The following HS6ST1 variants were observed in gnomAD, a reference collection of about 807,000 sequenced individuals.
The protein encoded by HS6ST1 is heparan-sulfate 6-O-sulfotransferase 1.
HS6ST1 carries 3 observed loss-of-function variants against 25.2 expected under a neutral mutation model. The ratio of observed to expected loss-of-function variants is 0.12; its 90% CI spans 0.05 to 0.31. The LOEUF (loss-of-function observed/expected upper bound fraction) is 0.31, where lower values mean the gene tolerates loss of function less well. Among genes scored for constraint, HS6ST1 ranks in the 10% least tolerant of loss-of-function variants. The probability of loss-of-function intolerance (pLI) is 1.00; values close to 1 mark genes in which losing one functional copy is unlikely to be tolerated. For synonymous variants in HS6ST1, 204 were observed against 275.1 expected (o/e 0.74, Z 2.56); for missense variants, 310 against 609.6 (o/e 0.51, Z 5.18).
chr2:128,312,556 C>T (rs1694307811), intron 1 of HS6ST1, among the ~76,000 whole-genome samples: 2 of 152,116 alleles, frequency 1.3e-5, no homozygotes, highest in South Asian at 2.1e-4. Context: ...GAGGGTGCAC[C>T]CCAGGCCCCT....
chr2:128,276,026 C>T (rs1048805247), intron 1 of HS6ST1, among the ~76,000 whole-genome samples: 1 of 152,248 alleles, frequency 6.6e-6, no homozygotes, highest in African/African-American at 2.4e-5. Flanking sequence ...GAAGAAGGCA[C>T]TGCACATCAG....
rs1019296444 is a variant in HS6ST1, at chr2:128,267,803, C to A, written c.*359G>T. The A allele has an allele frequency of 5.8e-5, 22 of 376,866 alleles. No homozygotes were observed. Among genetic ancestry groups the A allele is most frequent in the African/African-American group, 2.3e-4 (11 of 48,462 alleles). The allele number at this position is 376,866 out of a possible 1,614,324, so 23.3% of individuals were successfully genotyped here. A position where few individuals can be genotyped will look rare whatever the true frequency, so the allele number is the denominator to read the frequency against. On this transcript the variant is annotated 3_prime_UTR_variant, in exon 2 of 2. Transcript: ENST00000259241. ...TAGTTGGTGAGGGACACACTCCCGG[C>A]CTGGCAGGTCCACTTTCCGCTGTCC...
At chr2:128,274,779 C>T (rs1380597034) in intron 1 of HS6ST1, among the ~76,000 whole-genome samples, 2 of 152,012 alleles carry the variant, frequency 1.3e-5, no homozygotes, top group Admixed American at 6.6e-5. Context: ...GAGTTTGAGG[C>T]TAGCCTGGCC....
At chr2:128,304,859 T>C (rs1694184717) in intron 1 of HS6ST1, among the ~76,000 whole-genome samples, 1 of 152,214 alleles carries the variant, frequency 6.6e-6, no homozygotes, top group African/African-American at 2.4e-5. Flanking sequence ...CTCCTGCAGC[T>C]GGGCTGGGCT....
intron 1 of HS6ST1, among the ~76,000 whole-genome samples, chr2:128,284,504 CTTT>C (rs71396519): frequency 4.2e-5 from 4 of 94,878 alleles, no homozygotes. Flanking sequence ...CATCGTCCCT[CTTT>C]TTTTTTTTTT....
In HS6ST1 at chr2:128,318,169, C is replaced by A; in HGVS notation, c.395G>T (p.Arg132Leu). 6.5e-7 allele frequency: 1 copy of A among 1,530,016 alleles called. No individual in the cohort carries two copies. The highest frequency in any genetic ancestry group is 8.8e-7 in the Non-Finnish European group (1 of 1,135,704). 94.8% of individuals were successfully genotyped at this position (1,530,016 alleles called of 1,614,324 possible). A position where few individuals can be genotyped will look rare whatever the true frequency, so the allele number is the denominator to read the frequency against. Residue 132 changes from arginine (R) to leucine (L), a missense_variant, in exon 1 of 2, where the codon CGC becomes CTC. Arg to Leu is a moderately radical substitution (Grantham distance 102). Transcript: ENST00000259241. This position sits in a 1 kb window ranked among gnomAD's most constrained non-coding sequence, Gnocchi z 5.7. ...GCGGGAGAAGAGCCAAGTCTCGCGG[C>A]GGTTGGGCCGGTAGCAGGTGCACTT... is the stretch of plus-strand genomic sequence containing the variant. ...QKKCTCYRPNRRETWLFSRFS... is the reference protein window; with the variant it reads ...QKKCTCYRPNLRETWLFSRFS...
At chr2:128,313,913 G>A (rs148060943) in intron 1 of HS6ST1, among the ~76,000 whole-genome samples, 31 of 149,174 alleles carry the variant, frequency 2.1e-4, no homozygotes, top group Admixed American at 7.4e-4. Flanking sequence ...CCAACCATTC[G>A]TAAGTTTGCC....
At chr2:128,309,788 C>T (rs575813437) in intron 1 of HS6ST1, among the ~76,000 whole-genome samples, 12 of 152,202 alleles carry the variant, frequency 7.9e-5, no homozygotes, top group Admixed American at 4.6e-4. Flanking sequence ...CCTGGCCCCG[C>T]GGTCAGTCTC....
intron 1 of HS6ST1, among the ~76,000 whole-genome samples, chr2:128,278,100 A>G (rs1693722745): frequency 6.6e-6 from 1 of 152,276 alleles, no homozygotes; most frequent in South Asian, 2.1e-4. Context: ...AAAATCCTGC[A>G]GGTACAGCCC....
chr2:128,307,033 G>T (rs1992937), intron 1 of HS6ST1, among the ~76,000 whole-genome samples: 38 of 152,064 alleles, frequency 2.5e-4, no homozygotes, highest in Admixed American at 2.2e-3. Context: ...GAGTTGGGGT[G>T]GGGGGGTCCC....
chr2:128,283,795 C>T (rs1693821461), intron 1 of HS6ST1, among the ~76,000 whole-genome samples: 1 of 152,200 alleles, frequency 6.6e-6, no homozygotes, highest in South Asian at 2.1e-4. Flanking sequence ...GAGGAAGATG[C>T]AGGGAGCTCT....
At chr2:128,312,414 G>A (rs1480130605) in intron 1 of HS6ST1, among the ~76,000 whole-genome samples, 1 of 152,246 alleles carries the variant, frequency 6.6e-6, no homozygotes, top group Non-Finnish European at 1.5e-5. Context: ...CCAAGTGCCT[G>A]CTAAGTGTGC....
At chr2:128,279,304 G>C (rs1414745882) in intron 1 of HS6ST1, among the ~76,000 whole-genome samples, 1 of 143,964 alleles carries the variant, frequency 6.9e-6, no homozygotes, top group Non-Finnish European at 1.5e-5. Context: ...TGAGGACGCT[G>C]TCATTTAGAG....
rs201711108 is a variant in HS6ST1, at chr2:128,267,837, T to C, written c.*325A>G. On this transcript the variant is annotated 3_prime_UTR_variant, in exon 2 of 2. Coordinates refer to ENST00000259241, the MANE Select transcript of HS6ST1 (RefSeq NM_004807.3). Reference sequence around the variant, plus strand: ...TCCACTTTCCGCTGTCCTCGTCTCTTGCGCAAACCTTCAGTTTTTGCGATA... The same window carrying C: ...TCCACTTTCCGCTGTCCTCGTCTCTCGCGCAAACCTTCAGTTTTTGCGATA... The C allele has an allele frequency of 7.3e-6, 3 of 412,514 alleles. No homozygotes were observed. The highest frequency in any genetic ancestry group is 1.3e-5 in the Non-Finnish European group (3 of 227,602). The allele number at this position is 412,514 out of a possible 1,614,324, so 25.6% of individuals were successfully genotyped here.
At chr2:128,306,663 T>C (rs569830581) in intron 1 of HS6ST1, among the ~76,000 whole-genome samples, 9 of 151,788 alleles carry the variant, frequency 5.9e-5, no homozygotes, top group African/African-American at 1.9e-4. Flanking sequence ...AGTGGGGGCA[T>C]GGCAGCAGGG....
At chr2:128,314,199 C>A (rs557352459) in intron 1 of HS6ST1, among the ~76,000 whole-genome samples, 1 of 152,068 alleles carries the variant, frequency 6.6e-6, no homozygotes, top group African/African-American at 2.4e-5. Context: ...GAAACTGTCG[C>A]ATGCCACAGA....
chr2:128,276,437 G>A (rs951722017), intron 1 of HS6ST1, among the ~76,000 whole-genome samples: 1 of 152,096 alleles, frequency 6.6e-6, no homozygotes, highest in Admixed American at 6.5e-5. Flanking sequence ...AGCCCGGCCT[G>A]TTTTTTTAAA....
At chr2:128,315,914 C>T (rs1694356307) in intron 1 of HS6ST1, among the ~76,000 whole-genome samples, 1 of 152,248 alleles carries the variant, frequency 6.6e-6, no homozygotes, top group African/African-American at 2.4e-5. Context: ...GTGCTGTCAC[C>T]TGCCCGGTAG....
intron 1 of HS6ST1, among the ~76,000 whole-genome samples, chr2:128,300,551 C>T (rs1355506107): frequency 6.6e-6 from 1 of 152,202 alleles, no homozygotes; most frequent in Non-Finnish European, 1.5e-5. Context: ...CAGTCCCTCT[C>T]CCAGCAAGTA....
Sources: allele counts gnomAD v4.1 joint callset (sites outside exome capture counted in the v4.1 genomes callset), GRCh38; gene constraint gnomAD v4.1.1; non-coding constraint Gnocchi (gnomAD v3.1); transcripts MANE v1.5; gene names NCBI Gene and HGNC (gene_info 2026-07-23, HGNC 2026-07-21).